The following YTHDC2 variants were observed in gnomAD, a reference collection of about 807,000 sequenced individuals.
YTHDC2 encodes YTH N6-methyladenosine RNA binding protein C2, also known as 3'-5' RNA helicase YTHDC2.
A neutral mutation model predicts 174.9 loss-of-function variants in YTHDC2; 45 were observed. The observed-to-expected ratio is 0.26, with a 90% confidence interval of 0.20 to 0.33. The LOEUF (loss-of-function observed/expected upper bound fraction) is 0.33. YTHDC2 is among the 10% of genes least tolerant of loss of function. YTHDC2 has a pLI of 1.00. For missense variants in YTHDC2, 1,650 were observed against 1,723.7 expected, an observed-to-expected ratio of 0.96 and a Z score of 0.76; for synonymous variants, 657 against 574.5, an observed-to-expected ratio of 1.14 and a Z score of -2.05.
chr5:113,562,656 C>T (rs950266737), intron 18 of YTHDC2, among the ~76,000 whole-genome samples: 2 of 152,152 alleles, frequency 1.3e-5, no homozygotes, highest in African/African-American at 4.8e-5. Flanking sequence ...TGCCTTACAG[C>T]TTTCACAGGT....
chr5:113,546,769 G>A (rs1300041429), intron 10 of YTHDC2, among the ~76,000 whole-genome samples: 1 of 152,202 alleles, frequency 6.6e-6, no homozygotes, highest in Admixed American at 6.5e-5. Flanking sequence ...ACTGTTCGTA[G>A]GGACTACATT....
intron 12 of YTHDC2, among the ~76,000 whole-genome samples, chr5:113,550,607 C>T (rs886747955): frequency 6.6e-6 from 1 of 151,962 alleles, no homozygotes; most frequent in African/African-American, 2.4e-5. Context: ...ATAATGACTA[C>T]GTTGTTAAAA....
At position 113,567,707 on chromosome 5, in the gene YTHDC2, G is replaced by T. The variant is rs200982180; in HGVS notation, c.3102G>T (p.Trp1034Cys). The change falls in exon 23 of 30, where the codon TGG becomes TGT. Residue 1034 changes from tryptophan to cysteine, a missense_variant. Trp to Cys is a radical substitution (Grantham distance 215, BLOSUM62 -2). Coordinates refer to ENST00000161863, the MANE Select transcript of YTHDC2 (RefSeq NM_022828.5). ...CAATTAAGGCACTGCCCACAGATTG[G>T]CTTATTTATGATGAAATGACCAGAG... is the stretch of plus-strand genomic sequence containing the variant. ...AAAIKALPTD[W>C]LIYDEMTRAH... is the part of the protein sequence containing the mutation. 236 of 1,609,022 alleles carry T rather than the reference G, an allele frequency of 1.5e-4. No individual in the cohort carries two copies. Among genetic ancestry groups the T allele is most frequent in the Admixed American group, 4.1e-4 (24 of 59,104 alleles).
chr5:113,532,614 G>A (rs1339599702), intron 4 of YTHDC2, among the ~76,000 whole-genome samples: 3 of 152,154 alleles, frequency 2.0e-5, no homozygotes, highest in Middle Eastern at 3.4e-3. Context: ...TGTTTTTCCA[G>A]TAGCATTTTA....
intron 1 of YTHDC2, 48 bp from the exon 2 acceptor site, chr5:113,515,224 A>C (rs1453573089): frequency 6.9e-7 from 1 of 1,446,964 alleles, no homozygotes. Flanking sequence ...TACTTGAGAG[A>C]AAATTGCCTA....
At chr5:113,535,828 A>C (rs1212368318) in intron 7 of YTHDC2, 30 bp downstream of exon 7, 4 of 1,522,886 alleles carry the variant, frequency 2.6e-6, no homozygotes, top group Non-Finnish European at 3.5e-6. Context: ...TTCTTCTATA[A>C]TTTTTATGAA....
At chr5:113,568,389 G>A (rs868444485) in intron 23 of YTHDC2, among the ~76,000 whole-genome samples, 3 of 151,976 alleles carry the variant, frequency 2.0e-5, no homozygotes, top group South Asian at 4.1e-4. Flanking sequence ...TAAGTTCAGG[G>A]GTACATGTGC....
rs1341271625 is a variant in YTHDC2, at chr5:113,526,822, A to T, written c.675+37A>T. Reference sequence around the variant, plus strand: ...TTTTGTTGTTTATAGAAAAAAAAAAAAAAAATATATATATATATATATATA... The same window carrying T: ...TTTTGTTGTTTATAGAAAAAAAAAATAAAAATATATATATATATATATATA... On this transcript the variant is annotated intron_variant, in intron 4 of 29. Transcript: ENST00000161863. 2.9e-4 allele frequency: 103 copies of T among 351,930 alleles called. 2 individuals are homozygous for T. In the Middle Eastern group the frequency reaches 4.4e-3, roughly 15 times the overall value. 21.8% of individuals were successfully genotyped at this position (351,930 alleles called of 1,614,324 possible).
chr5:113,559,556 C>G (rs1776823870), intron 17 of YTHDC2, among the ~76,000 whole-genome samples: 1 of 152,172 alleles, frequency 6.6e-6, no homozygotes, highest in Non-Finnish European at 1.5e-5. Flanking sequence ...AAAGAAATCT[C>G]ATTTGTGCCC....
chr5:113,591,345 A>AT, intron 27 of YTHDC2, 101 bp downstream of exon 27: 6 of 1,198,742 alleles, frequency 5.0e-6, no homozygotes, highest in Non-Finnish European at 7.2e-6. Flanking sequence ...TCAGAATGCA[A>AT]GAATGCCTTT....
chr5:113,543,814 T>C (rs180762069), intron 10 of YTHDC2, among the ~76,000 whole-genome samples: 263 of 152,338 alleles, frequency 1.7e-3, no homozygotes, highest in Admixed American at 2.4e-3. Flanking sequence ...CTTTGGGACT[T>C]TGTTTTGTTG....
At chr5:113,569,750 T>C (rs765072689) in intron 23 of YTHDC2, among the ~76,000 whole-genome samples, 19 of 152,220 alleles carry the variant, frequency 1.2e-4, no homozygotes, top group Non-Finnish European at 2.4e-4. Flanking sequence ...ACTGTAGCCC[T>C]GTAGTATAGC....
chr5:113,561,957 G>GGTGTGTGTGTGTGTGTGTGTGTGT (rs70973686), intron 18 of YTHDC2, among the ~76,000 whole-genome samples: 19 of 134,958 alleles, frequency 1.4e-4, no homozygotes, highest in Admixed American at 2.3e-4. Flanking sequence ...ATTAATTGTG[G>GGTGTGTGTGTGTGTGTGTGTGTGT]GTGTGTGTGT....
rs1402848424 is a variant in YTHDC2, at chr5:113,553,174, T to C, written c.1689-7T>C. ...GACTTTGTCTTTTTTTTTTTTTTTT[T>C]TTTCAGTGCTACACTGGAATTTGGA... On this transcript the variant is annotated splice_polypyrimidine_tract_variant and splice_region_variant and intron_variant, in intron 12 of 29. Coordinates refer to ENST00000161863, the MANE Select transcript of YTHDC2 (RefSeq NM_022828.5). 2 of 1,403,240 alleles carry C rather than the reference T, an allele frequency of 1.4e-6. No individual in the cohort carries two copies. The highest frequency in any genetic ancestry group is 1.9e-6 in the Non-Finnish European group (2 of 1,080,230). 86.9% of individuals were successfully genotyped at this position (1,403,240 alleles called of 1,614,324 possible). A position where few individuals can be genotyped will look rare whatever the true frequency, so the allele number is the denominator to read the frequency against.
At position 113,534,308 on chromosome 5, in the gene YTHDC2, T is replaced by C; in HGVS notation, c.846T>C (p.Val282=). 6.2e-7 allele frequency: 1 copy of C among 1,610,250 alleles called. No individual in the cohort carries two copies. Among genetic ancestry groups the C allele is most frequent in the Non-Finnish European group, 8.5e-7 (1 of 1,177,512 alleles). The change falls in exon 6 of 30, where the codon GTT becomes GTC. Residue 282 remains valine (V), a synonymous_variant. Transcript: ENST00000161863. Reference sequence around the variant, plus strand: ...TGTTTTGCTTTTTTTTTAAAAGGGTTTCTCCAAAGACACTTCTGACATTTT... The same window carrying C: ...TGTTTTGCTTTTTTTTTAAAAGGGTCTCTCCAAAGACACTTCTGACATTTT... ...IGYQIRLESR[V]SPKTLLTFCT... is the part of the protein sequence containing the mutation.
rs757709900 is a variant in YTHDC2 at position 113,553,840 on chromosome 5, G to A, written c.2038G>A (p.Gly680Ser). The change falls in exon 15 of 30, where the codon GGT becomes AGT. Residue 680 changes from glycine to serine, a missense_variant. Gly to Ser is a moderately conservative substitution (Grantham distance 56). This residue lies in a region of YTHDC2 where 913 missense variants were observed against 940.4 expected (regional missense o/e 0.97). Transcript: ENST00000161863. ...QKKVLKNPPA[G>S]VRKIILSTNI... The stretch of plus-strand genomic sequence containing the variant: ...GAAAGTATTAAAAAACCCACCTGCA[G>A]GTGTTCGAAAAATAGTAAGCTTCAT... The A allele has an allele frequency of 1.2e-6, 2 of 1,607,682 alleles. No individual in the cohort carries two copies. The highest frequency in any genetic ancestry group is 1.7e-6 in the Non-Finnish European group (2 of 1,178,308).
At chr5:113,575,360 G>A (rs1777974769) in intron 23 of YTHDC2, among the ~76,000 whole-genome samples, 1 of 152,178 alleles carries the variant, frequency 6.6e-6, no homozygotes, top group South Asian at 2.1e-4. Context: ...AATTTACACA[G>A]TAGTGAGGGT....
intron 18 of YTHDC2, among the ~76,000 whole-genome samples, chr5:113,561,451 A>ATCTATCTG (rs1318976327): frequency 1.5e-4 from 22 of 142,790 alleles, no homozygotes; most frequent in African/African-American, 6.0e-4. Flanking sequence ...TTATCTATCT[A>ATCTATCTG]TCTATCTATC....
At chr5:113,539,986 C>T (rs1482654246) in intron 8 of YTHDC2, among the ~76,000 whole-genome samples, 7 of 152,136 alleles carry the variant, frequency 4.6e-5, no homozygotes, top group East Asian at 1.9e-4. Context: ...ACTGCAGCCT[C>T]GACCTCCTCA....
Sources: allele counts gnomAD v4.1 joint callset (sites outside exome capture counted in the v4.1 genomes callset), GRCh38; gene constraint gnomAD v4.1.1; regional missense constraint gnomAD v4.1.1; transcripts MANE v1.5; gene names NCBI Gene and HGNC (gene_info 2026-07-23, HGNC 2026-07-21).